Variants in UBE2B observed in about 807,000 individuals in gnomAD.
UBE2B encodes ubiquitin-conjugating enzyme E2 B.
Under a neutral mutation model 24.6 loss-of-function variants are expected in UBE2B, and 11 were observed. The observed-to-expected ratio is 0.45, with a 90% CI of 0.28 to 0.74. The LOEUF is 0.74. Among genes scored for constraint, UBE2B ranks in the 30% least tolerant of loss-of-function variants. UBE2B has a pLI of 0.13. For synonymous variants in UBE2B, 68 were observed against 62.4 expected, an observed-to-expected ratio of 1.09 and a Z score of -0.42; for missense variants, 78 against 185.6, an observed-to-expected ratio of 0.42 and a Z score of 3.37.
chr5:134,376,842 G>A, intron 3 of UBE2B, 148 bp downstream of exon 3: 1 of 683,824 alleles, frequency 1.5e-6, no homozygotes, highest in Middle Eastern at 4.2e-4. Flanking sequence ...ACTTCATAAG[G>A]GACTTCTTCC....
rs758168883 is a variant in UBE2B at position 134,377,141 on chromosome 5, T to C, written c.151+447T>C. On this transcript the variant is annotated intron_variant, in intron 3 of 5. Coordinates refer to ENST00000265339, the MANE Select transcript of UBE2B (RefSeq NM_003337.4). ...ACCCATAAGTAGTTATCATTTTGCATAATCTTTGGCATCTCAAGTTGGGTA... is the reference window on the plus strand; with the variant it reads ...ACCCATAAGTAGTTATCATTTTGCACAATCTTTGGCATCTCAAGTTGGGTA... Among the ~76,000 whole-genome samples the C allele has an allele frequency of 1.1e-4, 17 of 152,208 alleles. 1 individual carries two copies. Among genetic ancestry groups the C allele is most frequent in the Non-Finnish European group, 5.9e-5 (4 of 68,030 alleles).
At chr5:134,373,919 A>G (rs1173016185) in intron 1 of UBE2B, among the ~76,000 whole-genome samples, 3 of 152,164 alleles carry the variant, frequency 2.0e-5, no homozygotes, top group African/African-American at 7.2e-5. Context: ...AGTCTTTGCT[A>G]TTGTGAGTAG....
intron 3 of UBE2B, among the ~76,000 whole-genome samples, chr5:134,378,813 C>T (rs1758652846): frequency 6.6e-6 from 1 of 151,712 alleles, no homozygotes; most frequent in South Asian, 2.1e-4. Flanking sequence ...CCTGTAATCC[C>T]AGCTACTCGG....
At chr5:134,386,608 G>C (rs1446957517) in intron 4 of UBE2B, among the ~76,000 whole-genome samples, 1 of 151,388 alleles carries the variant, frequency 6.6e-6, no homozygotes, top group East Asian at 1.9e-4. Flanking sequence ...CTCCATCCTG[G>C]GCAACAAGAG....
At chr5:134,374,501 G>T in intron 2 of UBE2B, 38 bp downstream of exon 2, 1 of 1,543,526 alleles carries the variant, frequency 6.5e-7, no homozygotes, top group Non-Finnish European at 8.8e-7. Flanking sequence ...GGTGTGTGCT[G>T]AATCTTTAAG....
intron 3 of UBE2B, 89 bp downstream of exon 3, chr5:134,376,783 T>A: frequency 5.4e-6 from 7 of 1,307,172 alleles, no homozygotes; most frequent in Non-Finnish European, 7.5e-6. Context: ...TTGAAGCCAT[T>A]TTCTATGGTT....
chr5:134,388,538 C>A, intron 5 of UBE2B, 125 bp downstream of exon 5: 1 of 833,272 alleles, frequency 1.2e-6, no homozygotes, highest in East Asian at 2.6e-5. Flanking sequence ...TAACTTTTCT[C>A]TTTCAGTAGT....
intron 1 of UBE2B, among the ~76,000 whole-genome samples, chr5:134,373,311 C>A (rs1173548570): frequency 7.1e-6 from 1 of 141,476 alleles, no homozygotes. Flanking sequence ...CTGAGGTTTG[C>A]TTTTTTTTTT....
chr5:134,386,699 C>T (rs935344442), intron 4 of UBE2B, among the ~76,000 whole-genome samples: 4 of 151,766 alleles, frequency 2.6e-5, no homozygotes, highest in East Asian at 3.9e-4. Context: ...CCACTACTTA[C>T]ATTTTGACAT....
chr5:134,385,840 C>T (rs1265186938), intron 4 of UBE2B, among the ~76,000 whole-genome samples: 10 of 151,734 alleles, frequency 6.6e-5, no homozygotes, highest in Non-Finnish European at 1.3e-4. Flanking sequence ...AGTGAAACCC[C>T]GTCTTTACTA....
intron 4 of UBE2B, among the ~76,000 whole-genome samples, chr5:134,383,517 C>T (rs567226769): frequency 8.4e-6 from 1 of 119,154 alleles, no homozygotes; most frequent in Non-Finnish European, 1.6e-5. Context: ...GAGTCTTGCT[C>T]TATCGGCCAG....
intron 1 of UBE2B, among the ~76,000 whole-genome samples, chr5:134,372,051 C>T (rs1047498326): frequency 5.9e-5 from 9 of 152,230 alleles, no homozygotes; most frequent in Non-Finnish European, 1.3e-4. Flanking sequence ...CTTTGTTTCA[C>T]GGCCCCGCCG....
intron 5 of UBE2B, among the ~76,000 whole-genome samples, chr5:134,389,317 G>A (rs568862919): frequency 2.6e-5 from 4 of 152,172 alleles, no homozygotes; most frequent in Admixed American, 6.5e-5. Context: ...AAATGTATAT[G>A]TTTTGTTGAT....
Position 134,390,203 on chromosome 5 carries a change from T to TTTTTC in UBE2B, c.331-13_331-9dup. On this transcript the variant is annotated intron_variant, in intron 5 of 5. Transcript: ENST00000265339. The surrounding 1 kb of genome is among the most constrained non-coding windows in gnomAD (Gnocchi z 4.6). ...ATAAAGAACAACTATGCAAATCTGT[T>TTTTTC]TTTTCTTTTCTTTCCTCCTAGTCTC... The TTTTTC allele has an allele frequency of 6.2e-7, 1 of 1,613,684 alleles. No homozygotes were observed. The highest frequency in any genetic ancestry group is 1.6e-4 in the Middle Eastern group (1 of 6,062).
At chr5:134,384,189 G>T (rs1272161007) in intron 4 of UBE2B, among the ~76,000 whole-genome samples, 2 of 152,112 alleles carry the variant, frequency 1.3e-5, no homozygotes, top group Non-Finnish European at 2.9e-5. Flanking sequence ...ATTTTCAGAG[G>T]TCCTCTTGGT....
At chr5:134,375,275 A>G (rs571388321) in intron 2 of UBE2B, among the ~76,000 whole-genome samples, 1 of 152,300 alleles carries the variant, frequency 6.6e-6, no homozygotes, top group African/African-American at 2.4e-5. Context: ...TTTACCTACT[A>G]TGTATATTGC....
intron 4 of UBE2B, among the ~76,000 whole-genome samples, chr5:134,385,001 T>C (rs1581325154): frequency 6.6e-6 from 1 of 152,364 alleles, no homozygotes; most frequent in East Asian, 1.9e-4. Context: ...TTTTCAAGGC[T>C]CATCTATGTT....
At chr5:134,381,090 G>A (rs563891355) in intron 4 of UBE2B, among the ~76,000 whole-genome samples, 6 of 146,778 alleles carry the variant, frequency 4.1e-5, no homozygotes, top group African/African-American at 1.5e-4. Flanking sequence ...CCTCAGCCTT[G>A]TGAGTAGCTG....
At chr5:134,375,996 C>CA (rs1221139033) in intron 2 of UBE2B, among the ~76,000 whole-genome samples, 1 of 151,596 alleles carries the variant, frequency 6.6e-6, no homozygotes, top group Non-Finnish European at 1.5e-5. Flanking sequence ...TATTGCTTTA[C>CA]ATCATATTGC....
Sources: allele counts gnomAD v4.1 joint callset (sites outside exome capture counted in the v4.1 genomes callset), GRCh38; gene constraint gnomAD v4.1.1; non-coding constraint Gnocchi (gnomAD v3.1); transcripts MANE v1.5; gene names NCBI Gene and HGNC (gene_info 2026-07-23, HGNC 2026-07-21).